Variants in HTR4 observed in about 807,000 individuals in gnomAD.
HTR4 encodes 5-hydroxytryptamine (serotonin) receptor 4, G protein-coupled.
HTR4 carries 16 observed loss-of-function variants against 36.8 expected under a neutral mutation model. The observed-to-expected ratio is 0.43, with a 90% CI of 0.29 to 0.66. The LOEUF is 0.66. Ranked by LOEUF, HTR4 falls within the 30% of genes least tolerant of loss-of-function variation. HTR4 has a pLI of 0.13. For synonymous variants in HTR4, 189 were observed against 185.1 expected (o/e 1.02, Z -0.17); for missense variants, 438 against 490.9 (o/e 0.89, Z 1.02).
In HTR4 at chr5:148,482,193, G is replaced by C. The variant is rs1989372; in HGVS notation, c.*1010C>G. 6,455 of 985,480 alleles carry C rather than the reference G, an allele frequency of 6.6e-3. 199 individuals carry two copies. The East Asian group carries it at 0.11, about 17-fold the overall frequency. 61.0% of individuals were successfully genotyped at this position (985,480 alleles called of 1,614,324 possible). A position where few individuals can be genotyped will look rare whatever the true frequency, so the allele number is the denominator to read the frequency against. On this transcript the variant is annotated 3_prime_UTR_variant, in exon 7 of 7. Coordinates refer to ENST00000377888, the MANE Select transcript of HTR4 (RefSeq NM_000870.7). ...CTGGATCCTGCCCTCCTGCACCTTG[G>C]GGGAGCTGCAGGGGAAAATGAGTTT...
chr5:148,552,920 A>G (rs1759768489), intron 2 of HTR4, among the ~76,000 whole-genome samples: 1 of 152,202 alleles, frequency 6.6e-6, no homozygotes, highest in Non-Finnish European at 1.5e-5. Flanking sequence ...CATAATGGTT[A>G]TATTTATTAT....
intron 2 of HTR4, among the ~76,000 whole-genome samples, chr5:148,610,875 A>G (rs942882070): frequency 6.1e-5 from 9 of 148,236 alleles, no homozygotes; most frequent in South Asian, 2.2e-4. Flanking sequence ...AACTATGTGA[A>G]GAATGCAGAA....
At chr5:148,610,743 C>T (rs1270790653) in intron 2 of HTR4, among the ~76,000 whole-genome samples, 4 of 149,108 alleles carry the variant, frequency 2.7e-5, no homozygotes, top group Non-Finnish European at 1.5e-5. Flanking sequence ...TACGGGAGGA[C>T]ATTCAAACCA....
chr5:148,550,022 C>T (rs1195575048), intron 3 of HTR4, 115 bp downstream of exon 3: 16 of 1,052,520 alleles, frequency 1.5e-5, no homozygotes, highest in Middle Eastern at 2.3e-4. Context: ...AAATGTTGTT[C>T]CCATGAATGT....
At chr5:148,497,970 AC>A (rs1434942713) in intron 6 of HTR4, among the ~76,000 whole-genome samples, 1 of 152,194 alleles carries the variant, frequency 6.6e-6, no homozygotes, top group Non-Finnish European at 1.5e-5. Context: ...TATTTTGATC[AC>A]GGGTTGCATA....
intron 4 of HTR4, among the ~76,000 whole-genome samples, chr5:148,526,485 T>C (rs1046765699): frequency 1.2e-4 from 18 of 152,140 alleles, no homozygotes; most frequent in African/African-American, 3.1e-4. Context: ...GGTGCCGAGA[T>C]GTTGCCAAGT....
intron 5 of HTR4, among the ~76,000 whole-genome samples, chr5:148,454,857 C>G (rs1007607978): frequency 6.6e-6 from 1 of 152,124 alleles, no homozygotes; most frequent in African/African-American, 2.4e-5. Flanking sequence ...GGAACCCCTT[C>G]CCCATTGCTC....
chr5:148,456,319 T>A lies in HTR4; in HGVS notation c.1077-5047A>T, dbSNP rs2113686840. Reference sequence around the variant, plus strand: ...CACCTTATAAACTTACATTGCCTTGTGAATTCAGAGCTCACAGTTGCGTTC... The same window carrying A: ...CACCTTATAAACTTACATTGCCTTGAGAATTCAGAGCTCACAGTTGCGTTC... On this transcript the variant is annotated intron_variant, in intron 5 of 5. Coordinates refer to the HTR4 transcript ENST00000521530. Among the ~76,000 whole-genome samples, 2 of 152,336 alleles carry A rather than the reference T, an allele frequency of 1.3e-5. 1 individual carries two copies. The highest frequency in any genetic ancestry group is 4.1e-4 in the South Asian group (2 of 4,824).
At chr5:148,505,122 A>T (rs911466176) in intron 6 of HTR4, among the ~76,000 whole-genome samples, 2 of 152,202 alleles carry the variant, frequency 1.3e-5, no homozygotes, top group Non-Finnish European at 2.9e-5. Context: ...AAAAATCCTC[A>T]ATAAAATACT....
At chr5:148,614,694 A>G (rs1185655256) in intron 2 of HTR4, among the ~76,000 whole-genome samples, 5 of 152,094 alleles carry the variant, frequency 3.3e-5, no homozygotes, top group African/African-American at 1.2e-4. Flanking sequence ...ATCTAATTAA[A>G]CTAAAGAGCT....
chr5:148,593,539 C>T (rs1364725513), intron 2 of HTR4, among the ~76,000 whole-genome samples: 2 of 152,104 alleles, frequency 1.3e-5, no homozygotes, highest in Non-Finnish European at 2.9e-5. Context: ...TCTGAAATGC[C>T]TCAATTTCTC....
At chr5:148,640,892 GT>G (rs1453405237) in intron 1 of HTR4, among the ~76,000 whole-genome samples, 22 of 152,292 alleles carry the variant, frequency 1.4e-4, no homozygotes, top group Middle Eastern at 3.4e-3. Context: ...CATATAGATT[GT>G]TACATTTTTT....
At chr5:148,577,073 ATCTGACAGAGG>A (rs1444087307) in intron 2 of HTR4, among the ~76,000 whole-genome samples, 13 of 152,258 alleles carry the variant, frequency 8.5e-5, no homozygotes, top group Middle Eastern at 3.4e-3. Context: ...CAAACTATGT[ATCTGACAGAGG>A]TCCAATATCC....
chr5:148,545,673 G>A (rs955109698), intron 4 of HTR4, among the ~76,000 whole-genome samples: 4 of 152,324 alleles, frequency 2.6e-5, no homozygotes, highest in African/African-American at 7.2e-5. Flanking sequence ...AAGGCCTCAG[G>A]TGGCTGAGCA....
chr5:148,621,945 G>T (rs1036448557), intron 2 of HTR4, among the ~76,000 whole-genome samples: 3 of 152,146 alleles, frequency 2.0e-5, no homozygotes, highest in Non-Finnish European at 4.4e-5. Context: ...AGTCATTCTT[G>T]CTGCTTATTT....
In HTR4 at chr5:148,482,663, G is replaced by C; in HGVS notation, c.*540C>G. The C allele has an allele frequency of 2.0e-6, 2 of 991,904 alleles. No homozygotes were observed. The highest frequency in any genetic ancestry group is 4.5e-5 in the South Asian group (1 of 22,010). 61.4% of individuals were successfully genotyped at this position (991,904 alleles called of 1,614,324 possible). On this transcript the variant is annotated 3_prime_UTR_variant, in exon 7 of 7. Transcript: ENST00000377888. ...GACACAGGGAGAAAAGTGTGTTAGC[G>C]TCTGGCACAGAACAGGGCGAAGAAG...
At chr5:148,574,102 A>G (rs1023402090) in intron 2 of HTR4, among the ~76,000 whole-genome samples, 1 of 152,108 alleles carries the variant, frequency 6.6e-6, no homozygotes, top group African/African-American at 2.4e-5. Context: ...AGGGCAAAGC[A>G]CATTAACTCT....
rs572518455 is a variant in HTR4 at position 148,565,041 on chromosome 5, C to T, written c.27-14779G>A. Among the ~76,000 whole-genome samples the T allele has an allele frequency of 2.0e-5, 3 of 149,188 alleles. No individual in the cohort carries two copies. In the Admixed American group the frequency reaches 2.0e-4, roughly 10 times the overall value. ...AGGAGAATCACTTGAACCCAGGAGG[C>T]AGAGGTTGCAGTAAGCCAATATCAC... is the stretch of plus-strand genomic sequence containing the variant. On this transcript the variant is annotated intron_variant, in intron 2 of 6. Coordinates refer to ENST00000377888, the MANE Select transcript of HTR4 (RefSeq NM_000870.7).
chr5:148,624,400 A>C lies in HTR4; in HGVS notation c.26+12589T>G, dbSNP rs76569380. On this transcript the variant is annotated intron_variant, in intron 2 of 6. Transcript: ENST00000377888. ...AAGAGCACCCCTTCATAGAGTGGTC[A>C]TATGGAGCGCATGAGAAAATACTTG... 3.7e-3 allele frequency among the ~76,000 whole-genome samples: 568 copies of C among 152,340 alleles called. 5 individuals carry two copies. Among genetic ancestry groups the C allele is most frequent in the African/African-American group, 0.013 (551 of 41,572 alleles).
Sources: gnomAD v4.1 joint callset for allele counts (sites outside exome capture counted in the v4.1 genomes callset) on GRCh38, gnomAD v4.1.1 for gene constraint, MANE v1.5 for transcripts, NCBI Gene and HGNC (gene_info 2026-07-23, HGNC 2026-07-21) for gene names.